The following DIPK2B variants were observed in gnomAD, a reference collection of about 807,000 sequenced individuals.
The protein encoded by DIPK2B is divergent protein kinase domain 2B.
Under a neutral mutation model 22.2 loss-of-function variants are expected in DIPK2B, and 15 were observed. That is an observed-to-expected ratio of 0.68 (90% CI 0.45 to 1.04). The LOEUF (loss-of-function observed/expected upper bound fraction) is 1.04, where lower values mean the gene tolerates loss of function less well. Ranked by LOEUF, DIPK2B falls within the 50% of genes least tolerant of loss-of-function variation. The probability of loss-of-function intolerance (pLI) is 0.00; values close to 1 mark genes in which losing one functional copy is unlikely to be tolerated. For synonymous variants in DIPK2B, 163 were observed against 153.2 expected, an observed-to-expected ratio of 1.06 and a Z score of -0.47; for missense variants, 345 against 348.3, an observed-to-expected ratio of 0.99 and a Z score of 0.08.
chrX:45,166,416 GA>G lies in DIPK2B; in HGVS notation c.499-8529del, dbSNP rs1176981185. On this transcript the variant is annotated intron_variant, in intron 2 of 4. Coordinates refer to ENST00000398000, the MANE Select transcript of DIPK2B (RefSeq NM_176819.4). The stretch of plus-strand genomic sequence containing the variant: ...AATGGGGTTTTATTGAGGCATGAGG[GA>G]AGGGCAGCGGGTTAGGATTGGATGT... 6.3e-5 allele frequency among the ~76,000 whole-genome samples: 7 copies of G among 111,109 alleles called. No individual in the cohort carries two copies. The Admixed American group carries it at 6.7e-4, about 11-fold the overall frequency.
rs145352723 is a variant in DIPK2B, at chrX:45,152,087, G to A, written c.962-95C>T. On this transcript the variant is annotated intron_variant, in intron 4 of 4. Transcript: ENST00000398000. Reference sequence around the variant, plus strand: ...GAATTCCTGGGTGGGGCCGGGCGCGGTGGCTCATGCCTGTAATCCCAGCAC... The same window carrying A: ...GAATTCCTGGGTGGGGCCGGGCGCGATGGCTCATGCCTGTAATCCCAGCAC... 4.7e-3 allele frequency: 4,048 copies of A among 853,546 alleles called. 55 individuals are homozygous for A. The South Asian group carries it at 0.054, about 11-fold the overall frequency. The allele number at this position is 853,546 out of a possible 1,213,427, so 70.3% of individuals were successfully genotyped here. A position where few individuals can be genotyped will look rare whatever the true frequency, so the allele number is the denominator to read the frequency against.
Position 45,151,745 on chromosome X carries a change from G to A in DIPK2B, c.1209C>T (p.Ala403=). The change falls in exon 5 of 5, where the codon GCC becomes GCT. Residue 403 remains alanine (A), a synonymous_variant. Transcript: ENST00000398000. ...IRPDPEVLGA[A]SQLKDILRPL... is the part of the protein sequence containing the mutation. Reference sequence around the variant, plus strand: ...GCCTCAAGATGTCTTTCAGCTGGCTGGCGGCCCCAAGGACTTCTGGGTCTG... The same window carrying A: ...GCCTCAAGATGTCTTTCAGCTGGCTAGCGGCCCCAAGGACTTCTGGGTCTG... 1 of 1,211,902 alleles carries A rather than the reference G, an allele frequency of 8.3e-7. No individual in the cohort carries two copies. Among genetic ancestry groups the A allele is most frequent in the Non-Finnish European group, 1.1e-6 (1 of 895,459 alleles).
intron 2 of DIPK2B, among the ~76,000 whole-genome samples, chrX:45,187,468 G>GCGCACA (rs1556403888): frequency 0.13 from 12,667 of 98,318 alleles, 1,032 homozygotes; most frequent in Non-Finnish European, 0.21. Flanking sequence ...GCGCGCGCGC[G>GCGCACA]CACACACACA....
At chrX:45,196,858 C>T (rs776188938) in intron 1 of DIPK2B, among the ~76,000 whole-genome samples, 11 of 111,909 alleles carry the variant, frequency 9.8e-5, no homozygotes, top group Non-Finnish European at 1.9e-4. Flanking sequence ...ACTTTTCATT[C>T]AGGATTTAAA....
At chrX:45,184,834 T>G (rs886366846) in intron 2 of DIPK2B, among the ~76,000 whole-genome samples, 1 of 112,445 alleles carries the variant, frequency 8.9e-6, no homozygotes, top group African/African-American at 3.2e-5. Context: ...TGGGGAAATA[T>G]AGAGTTTTCA....
At chrX:45,154,290 T>C (rs867500699) in intron 3 of DIPK2B, 92 bp from the exon 4 acceptor site, 14 of 573,537 alleles carry the variant, frequency 2.4e-5, no homozygotes, top group Middle Eastern at 5.6e-4. Flanking sequence ...TATCTATCTA[T>C]CTATCTATCT....
chrX:45,161,424 C>A (rs188610678), intron 2 of DIPK2B, among the ~76,000 whole-genome samples: 1 of 111,907 alleles, frequency 8.9e-6, no homozygotes, highest in Non-Finnish European at 1.9e-5. Context: ...TGCCTGTAGT[C>A]CCAGCTACTT....
chrX:45,163,612 T>C, intron 2 of DIPK2B: 1 of 754,120 alleles, frequency 1.3e-6, no homozygotes, highest in Non-Finnish European at 1.6e-6. Flanking sequence ...CTTACCAGAA[T>C]GGAAACATAA....
intron 2 of DIPK2B, among the ~76,000 whole-genome samples, chrX:45,190,385 G>A (rs1170143810): frequency 9.0e-6 from 1 of 111,702 alleles, no homozygotes; most frequent in Non-Finnish European, 1.9e-5. Flanking sequence ...GCAGATTGGG[G>A]AAATTTTGGG....
intron 2 of DIPK2B, among the ~76,000 whole-genome samples, chrX:45,185,387 A>G (rs145346564): frequency 4.7e-4 from 52 of 111,462 alleles, no homozygotes; most frequent in African/African-American, 1.2e-3. Context: ...CTTGATTGGT[A>G]ACATCTAAGT....
intron 1 of DIPK2B, among the ~76,000 whole-genome samples, chrX:45,194,937 G>A (rs2047231360): frequency 8.9e-6 from 1 of 111,752 alleles, no homozygotes. Flanking sequence ...ACCTCCTAAG[G>A]AGGCTCCGCT....
chrX:45,173,708 C>T (rs1160514254), intron 2 of DIPK2B, among the ~76,000 whole-genome samples: 1 of 107,762 alleles, frequency 9.3e-6, no homozygotes, highest in East Asian at 2.9e-4. Context: ...GTAGCTGGGA[C>T]TACAGGCATA....
At chrX:45,152,270 A>G (rs1440234301) in intron 4 of DIPK2B, among the ~76,000 whole-genome samples, 2 of 111,076 alleles carry the variant, frequency 1.8e-5, no homozygotes, top group Non-Finnish European at 3.8e-5. Context: ...AGGCTGGAGA[A>G]TCGCTTGAAC....
chrX:45,166,333 C>A (rs1208475385), intron 2 of DIPK2B, among the ~76,000 whole-genome samples: 1 of 110,946 alleles, frequency 9.0e-6, no homozygotes. Context: ...AGAGAGTGGG[C>A]TCATGGAGTC....
chrX:45,166,936 G>A (rs192522360), intron 2 of DIPK2B, among the ~76,000 whole-genome samples: 95 of 112,315 alleles, frequency 8.5e-4, no homozygotes, highest in African/African-American at 2.8e-3. Flanking sequence ...AGAAGAGAAC[G>A]TGCTAATGCT....
Position 45,151,316 on chromosome X carries a change from C to T in DIPK2B, c.*336G>A. The T allele has an allele frequency of 4.2e-6, 1 of 236,654 alleles. No homozygotes were observed. Among genetic ancestry groups the T allele is most frequent in the South Asian group, 1.1e-4 (1 of 9,458 alleles). 19.5% of individuals were successfully genotyped at this position (236,654 alleles called of 1,213,427 possible). On this transcript the variant is annotated 3_prime_UTR_variant, in exon 5 of 5. Transcript: ENST00000398000. ...GAGGTGGTGAGCATGTGTCCCAAGACCCATGCTTGGGATATATGCTCAGTG... is the reference window on the plus strand; with the variant it reads ...GAGGTGGTGAGCATGTGTCCCAAGATCCATGCTTGGGATATATGCTCAGTG...
rs2046948413 is a variant in DIPK2B, at chrX:45,149,184, G to A, written c.*2468C>T. 8.9e-6 allele frequency: 1 copy of A among 112,680 alleles called. No homozygotes were observed. The highest frequency in any genetic ancestry group is 3.2e-5 in the African/African-American group (1 of 30,949). The allele number at this position is 112,680 out of a possible 1,213,427, so 9.3% of individuals were successfully genotyped here. ...CGGTGGAAACACACCTGGATGCAGGGAGAAGGGCTGGGGCCTGGCTCATGC... is the reference window on the plus strand; with the variant it reads ...CGGTGGAAACACACCTGGATGCAGGAAGAAGGGCTGGGGCCTGGCTCATGC... On this transcript the variant is annotated 3_prime_UTR_variant, in exon 5 of 5. Coordinates refer to ENST00000398000, the MANE Select transcript of DIPK2B (RefSeq NM_176819.4).
intron 1 of DIPK2B, among the ~76,000 whole-genome samples, chrX:45,193,411 C>T (rs1006386289): frequency 6.3e-5 from 7 of 111,900 alleles, no homozygotes; most frequent in Non-Finnish European, 1.3e-4. Flanking sequence ...TTTGATTAGA[C>T]CCAAACCCTA....
In DIPK2B at chrX:45,163,545, C is replaced by T. The variant is rs1017504021; in HGVS notation, c.499-5657G>A. The T allele has an allele frequency of 1.5e-5, 11 of 752,660 alleles. No homozygotes were observed. The South Asian group carries it at 4.8e-4, about 33-fold the overall frequency. 62.0% of individuals were successfully genotyped at this position (752,660 alleles called of 1,213,427 possible). A position where few individuals can be genotyped will look rare whatever the true frequency, so the allele number is the denominator to read the frequency against. On this transcript the variant is annotated intron_variant, in intron 2 of 4. Coordinates refer to ENST00000398000, the MANE Select transcript of DIPK2B (RefSeq NM_176819.4). The stretch of plus-strand genomic sequence containing the variant: ...TGCGATTGGCTTTCATCCATACCCC[C>T]GAGTGTTTGCTCAAAAAACATCACC...
Sources: gnomAD v4.1 joint callset for allele counts (sites outside exome capture counted in the v4.1 genomes callset) on GRCh38, gnomAD v4.1.1 for gene constraint, MANE v1.5 for transcripts, NCBI Gene and HGNC (gene_info 2026-07-23, HGNC 2026-07-21) for gene names.